BTBD9: variants seen among roughly 807,000 people sequenced by gnomAD.
BTBD9 encodes BTB/POZ domain-containing protein 9.
A neutral mutation model predicts 64.3 loss-of-function variants in BTBD9; 49 were observed. The ratio of observed to expected loss-of-function variants is 0.76; its 90% CI spans 0.61 to 0.97. BTBD9 has a LOEUF of 0.97. Ranked by LOEUF, BTBD9 falls within the 50% of genes least tolerant of loss-of-function variation. The pLI, the probability that BTBD9 is intolerant of heterozygous loss-of-function variation, is 0.00. For synonymous variants in BTBD9, 260 were observed against 274.7 expected (o/e 0.95, Z 0.53); for missense variants, 598 against 762.1 (o/e 0.78, Z 2.53).
chr6:38,532,446 G>T (rs1197534884), intron 6 of BTBD9, among the ~76,000 whole-genome samples: 1 of 152,144 alleles, frequency 6.6e-6, no homozygotes, highest in African/African-American at 2.4e-5. Flanking sequence ...GTGACCTACT[G>T]AGACACCAGC....
intron 6 of BTBD9, among the ~76,000 whole-genome samples, chr6:38,511,173 C>T (rs1182193137): frequency 6.6e-6 from 1 of 152,036 alleles, no homozygotes; most frequent in African/African-American, 2.4e-5. Flanking sequence ...TTATGCAGCA[C>T]ATAATTGTTA....
chr6:38,335,586 G>C (rs746413325), intron 7 of BTBD9, among the ~76,000 whole-genome samples: 18 of 151,286 alleles, frequency 1.2e-4, no homozygotes, highest in Non-Finnish European at 2.2e-4. Context: ...GTTTTTTTGA[G>C]AGGGAGTCTT....
chr6:38,192,710 T>A (rs979968381), intron 9 of BTBD9, 113 bp from the exon 10 acceptor site: 34 of 894,476 alleles, frequency 3.8e-5, no homozygotes, highest in Admixed American at 1.2e-4. Context: ...CTCGGAGACC[T>A]GCACTATAGG....
At chr6:38,487,592 CGA>C (rs70981555) in intron 6 of BTBD9, among the ~76,000 whole-genome samples, 51,793 of 122,348 alleles carry the variant, frequency 0.42, 11,432 homozygotes, top group Non-Finnish European at 0.54. Context: ...AGAGAGTCAG[CGA>C]GAGAGAGAGA....
At chr6:38,223,704 C>T (rs1164588806) in intron 9 of BTBD9, among the ~76,000 whole-genome samples, 2 of 152,140 alleles carry the variant, frequency 1.3e-5, no homozygotes, top group African/African-American at 4.8e-5. Context: ...CGGCTCTGCC[C>T]TCACGCTGTC....
chr6:38,551,985 C>T (rs2814889), intron 6 of BTBD9, among the ~76,000 whole-genome samples: 103,452 of 152,074 alleles, frequency 0.68, 36,203 homozygotes, highest in African/African-American at 0.85. Context: ...TGGCTGAAGA[C>T]CCAGGAATTC....
At chr6:38,523,268 G>A (rs1389038556) in intron 6 of BTBD9, among the ~76,000 whole-genome samples, 1 of 151,700 alleles carries the variant, frequency 6.6e-6, no homozygotes, top group Non-Finnish European at 1.5e-5. Flanking sequence ...CATTTTTACT[G>A]TACTACCCCA....
intron 6 of BTBD9, among the ~76,000 whole-genome samples, chr6:38,530,838 AC>A (rs1325399283): frequency 6.6e-6 from 1 of 152,186 alleles, no homozygotes; most frequent in African/African-American, 2.4e-5. Flanking sequence ...CAACTGACAT[AC>A]TGAAGAATGC....
chr6:38,415,724 T>C (rs148639210), intron 6 of BTBD9, among the ~76,000 whole-genome samples: 25 of 152,332 alleles, frequency 1.6e-4, no homozygotes, highest in African/African-American at 5.5e-4. Context: ...ATCCCCGTTA[T>C]TGCAACGTGA....
chr6:38,439,836 G>A (rs1309479646), intron 6 of BTBD9, among the ~76,000 whole-genome samples: 1 of 152,172 alleles, frequency 6.6e-6, no homozygotes, highest in African/African-American at 2.4e-5. Flanking sequence ...TGGGACTACA[G>A]GCATATGCTA....
At chr6:38,301,036 C>T (rs562574071) in intron 7 of BTBD9, among the ~76,000 whole-genome samples, 8 of 152,230 alleles carry the variant, frequency 5.3e-5, no homozygotes, top group Non-Finnish European at 7.4e-5. Flanking sequence ...TACGTCCCAT[C>T]GATACCTAAT....
intron 8 of BTBD9, 46 bp from the exon 9 acceptor site, chr6:38,256,562 G>A (rs1051712060): frequency 1.4e-6 from 2 of 1,416,694 alleles, no homozygotes; most frequent in African/African-American, 1.4e-5. Context: ...GTTTTAACTG[G>A]TTGTTTCTTT....
At chr6:38,449,048 T>A (rs901962521) in intron 6 of BTBD9, among the ~76,000 whole-genome samples, 1 of 152,060 alleles carries the variant, frequency 6.6e-6, no homozygotes, top group African/African-American at 2.4e-5. Context: ...GAGGCAAGTG[T>A]TTAGGACAAA....
At chr6:38,487,858 T>G (rs144874351) in intron 6 of BTBD9, among the ~76,000 whole-genome samples, 2 of 152,202 alleles carry the variant, frequency 1.3e-5, no homozygotes, top group African/African-American at 4.8e-5. Context: ...AGAAAAAGAA[T>G]AATTTGTAAC....
Position 38,592,857 on chromosome 6 carries a change from G to T in BTBD9, c.550-17C>A, listed in dbSNP as rs763446747. On this transcript the variant is annotated splice_polypyrimidine_tract_variant and intron_variant, in intron 3 of 10. Transcript: ENST00000481247. ...AAGTGCTGTCTGAAAAGGATAAAAAGGTAAAATTCCAGTTATATGAAGTTC... is the reference window on the plus strand; with the variant it reads ...AAGTGCTGTCTGAAAAGGATAAAAATGTAAAATTCCAGTTATATGAAGTTC... 5.0e-6 allele frequency: 8 copies of T among 1,611,290 alleles called. No individual in the cohort carries two copies. Among genetic ancestry groups the T allele is most frequent in the Non-Finnish European group, 6.8e-6 (8 of 1,178,196 alleles).
intron 6 of BTBD9, among the ~76,000 whole-genome samples, chr6:38,568,148 T>C (rs968640277): frequency 1.3e-5 from 2 of 152,208 alleles, no homozygotes; most frequent in African/African-American, 4.8e-5. Context: ...TTAAGTAGTA[T>C]GGGGTGAAAT....
intron 9 of BTBD9, among the ~76,000 whole-genome samples, chr6:38,203,306 A>C (rs1762527793): frequency 6.6e-6 from 1 of 152,186 alleles, no homozygotes; most frequent in African/African-American, 2.4e-5. Context: ...CTGAGAAATA[A>C]ATTTTTAAAA....
At chr6:38,430,159 G>A (rs1768375315) in intron 6 of BTBD9, among the ~76,000 whole-genome samples, 1 of 151,900 alleles carries the variant, frequency 6.6e-6, no homozygotes, top group African/African-American at 2.4e-5. Context: ...TCCTAGGTAG[G>A]TACTATCCTT....
intron 6 of BTBD9, among the ~76,000 whole-genome samples, chr6:38,514,581 T>C (rs1772925791): frequency 6.6e-6 from 1 of 152,218 alleles, no homozygotes; most frequent in South Asian, 2.1e-4. Context: ...CTCATACCTA[T>C]TAAAATTCTC....
Sources: gnomAD v4.1 joint callset for allele counts (sites outside exome capture counted in the v4.1 genomes callset) on GRCh38, gnomAD v4.1.1 for gene constraint, MANE v1.5 for transcripts, NCBI Gene and HGNC (gene_info 2026-07-23, HGNC 2026-07-21) for gene names.